The following MAGI2 variants were observed in gnomAD, a reference collection of about 807,000 sequenced individuals.
MAGI2 encodes membrane-associated guanylate kinase, WW and PDZ domain-containing protein 2.
Under a neutral mutation model 133.3 loss-of-function variants are expected in MAGI2, and 35 were observed. The ratio of observed to expected loss-of-function variants is 0.26; its 90% confidence interval spans 0.20 to 0.35. The LOEUF is 0.35. Among genes scored for constraint, MAGI2 ranks in the 10% least tolerant of loss-of-function variants. The probability of loss-of-function intolerance (pLI) is 1.00; values close to 1 mark genes in which losing one functional copy is unlikely to be tolerated. For synonymous variants in MAGI2, 729 were observed against 710.6 expected (o/e 1.03, Z -0.41); for missense variants, 1,636 against 1,863.4 (o/e 0.88, Z 2.25).
intron 20 of MAGI2, among the ~76,000 whole-genome samples, chr7:78,102,624 TCA>T (rs1818303681): frequency 6.6e-6 from 1 of 152,190 alleles, no homozygotes; most frequent in African/African-American, 2.4e-5. Context: ...CCGGTAGGAC[TCA>T]CACAATTTTG....
chr7:78,756,376 A>T (rs1823948494), intron 2 of MAGI2, among the ~76,000 whole-genome samples: 1 of 152,176 alleles, frequency 6.6e-6, no homozygotes, highest in Non-Finnish European at 1.5e-5. Flanking sequence ...TAATAACAAC[A>T]CACTGTAAAT....
At chr7:78,522,619 A>C (rs1796602769) in intron 3 of MAGI2, among the ~76,000 whole-genome samples, 1 of 152,100 alleles carries the variant, frequency 6.6e-6, no homozygotes, top group Non-Finnish European at 1.5e-5. Context: ...ACCTCAAATG[A>C]TCCGCCTGCC....
intron 9 of MAGI2, among the ~76,000 whole-genome samples, chr7:78,266,510 T>C (rs934102794): frequency 6.6e-6 from 1 of 151,638 alleles, no homozygotes; most frequent in Admixed American, 6.6e-5. Context: ...GCCAGAGCAG[T>C]GTTTTTAGCC....
chr7:79,006,878 T>G, intron 2 of MAGI2: 1 of 421,012 alleles, frequency 2.4e-6, no homozygotes. Flanking sequence ...AGCTTGAAAA[T>G]CACAAGTTTC....
intron 1 of MAGI2, among the ~76,000 whole-genome samples, chr7:79,299,687 G>A (rs529510975): frequency 7.9e-5 from 12 of 151,244 alleles, no homozygotes; most frequent in South Asian, 6.3e-4. Flanking sequence ...CACAAAAAAC[G>A]ATAATTGATC....
chr7:78,271,699 A>G (rs1794598324), intron 9 of MAGI2, among the ~76,000 whole-genome samples: 1 of 152,222 alleles, frequency 6.6e-6, no homozygotes, highest in South Asian at 2.1e-4. Flanking sequence ...GTATGTGTCC[A>G]GGAATTTATC....
At chr7:78,465,957 C>T (rs1313545372) in intron 6 of MAGI2, among the ~76,000 whole-genome samples, 2 of 152,130 alleles carry the variant, frequency 1.3e-5, no homozygotes, top group Admixed American at 6.5e-5. Context: ...ATGTTCAGCA[C>T]CAATCATTTA....
rs113658602 is a variant in MAGI2, at chr7:78,358,616, A to G, written c.1103+10540T>C. 2.6e-3 allele frequency: 444 copies of G among 172,930 alleles called. 3 individuals carry two copies. Among genetic ancestry groups the G allele is most frequent in the African/African-American group, 9.6e-3 (401 of 41,654 alleles). The allele number at this position is 172,930 out of a possible 1,614,324, so 10.7% of individuals were successfully genotyped here. ...TTATGGGATCTCACTGCCCTATGAC[A>G]AGGTGGTTCCTGCTGCCCTTTAGGT... On this transcript the variant is annotated intron_variant, in intron 7 of 21. Transcript: ENST00000354212.
chr7:78,908,087 A>G (rs1392500946), intron 2 of MAGI2, among the ~76,000 whole-genome samples: 3 of 152,158 alleles, frequency 2.0e-5, no homozygotes, highest in Non-Finnish European at 4.4e-5. Context: ...GAAATGTGGT[A>G]TATTTGAGAG....
At chr7:79,033,153 A>G (rs1183363443) in intron 1 of MAGI2, among the ~76,000 whole-genome samples, 1 of 152,110 alleles carries the variant, frequency 6.6e-6, no homozygotes, top group Admixed American at 6.6e-5. Flanking sequence ...TTGTTTCTGT[A>G]CTAGTGAAAC....
rs11472636 is a variant in MAGI2, at chr7:79,339,469, T to TG, written c.301+113550_301+113551insC. Reference sequence around the variant, plus strand: ...GTTTGTTTGTTTTTGTTTTTGTTTTTTTTTTTTTTGAGGAATCACTAAAAT... The same window carrying TG: ...GTTTGTTTGTTTTTGTTTTTGTTTTTGTTTTTTTTTGAGGAATCACTAAAAT... On this transcript the variant is annotated intron_variant, in intron 1 of 21. Coordinates refer to ENST00000354212, the MANE Select transcript of MAGI2 (RefSeq NM_012301.4). Among the ~76,000 whole-genome samples the TG allele has an allele frequency of 4.4e-3, 660 of 150,502 alleles. 10 individuals are homozygous for TG. Among genetic ancestry groups the TG allele is most frequent in the Admixed American group, 5.6e-3 (85 of 15,050 alleles).
intron 10 of MAGI2, chr7:78,252,009 T>C (rs577573315): frequency 6.6e-6 from 1 of 152,170 alleles, no homozygotes; most frequent in Non-Finnish European, 1.5e-5. Context: ...TACAGTGGCA[T>C]GTGCCTGTAG....
At chr7:79,277,161 T>C (rs1449743058) in intron 1 of MAGI2, among the ~76,000 whole-genome samples, 1 of 152,054 alleles carries the variant, frequency 6.6e-6, no homozygotes, top group Non-Finnish European at 1.5e-5. Context: ...GCTTGTCTTA[T>C]TTAAGAAATT....
intron 7 of MAGI2, among the ~76,000 whole-genome samples, chr7:78,347,836 T>C (rs938908511): frequency 1.3e-5 from 2 of 152,224 alleles, no homozygotes; most frequent in East Asian, 3.8e-4. Flanking sequence ...AACGTTATTG[T>C]AATGCTCTTG....
Position 78,475,418 on chromosome 7 carries a change from T to C in MAGI2, c.1045+14343A>G, listed in dbSNP as rs561459357. 5.3e-5 allele frequency among the ~76,000 whole-genome samples: 8 copies of C among 152,104 alleles called. No individual in the cohort carries two copies. In the South Asian group the frequency reaches 1.2e-3, roughly 24 times the overall value. On this transcript the variant is annotated intron_variant, in intron 6 of 21. Transcript: ENST00000354212. ...GAAAAGGCAGTTTTAAGAGAACATA[T>C]TTTATTAAGTATAAGAAATATTTTC...
chr7:78,419,320 C>T (rs1798580644), intron 6 of MAGI2, among the ~76,000 whole-genome samples: 1 of 152,068 alleles, frequency 6.6e-6, no homozygotes, highest in African/African-American at 2.4e-5. Context: ...ATACTAAGGG[C>T]AAGCCTGCGT....
intron 2 of MAGI2, among the ~76,000 whole-genome samples, chr7:78,994,751 A>C (rs1364235652): frequency 1.3e-5 from 2 of 152,132 alleles, no homozygotes; most frequent in Admixed American, 6.6e-5. Context: ...AATGGGAACC[A>C]CAACACATTT....
intron 1 of MAGI2, among the ~76,000 whole-genome samples, chr7:79,235,687 A>T (rs942041888): frequency 1.3e-5 from 2 of 152,090 alleles, no homozygotes; most frequent in East Asian, 3.9e-4. Context: ...ACCTGCGCCC[A>T]CTGTCTGGCA....
intron 2 of MAGI2, among the ~76,000 whole-genome samples, chr7:78,990,010 A>G (rs1350810387): frequency 6.6e-6 from 1 of 152,098 alleles, no homozygotes; most frequent in African/African-American, 2.4e-5. Flanking sequence ...GTGAACTTAG[A>G]TTAATCTTCC....
Sources: allele counts gnomAD v4.1 joint callset (sites outside exome capture counted in the v4.1 genomes callset), GRCh38; gene constraint gnomAD v4.1.1; transcripts MANE v1.5; gene names NCBI Gene and HGNC (gene_info 2026-07-23, HGNC 2026-07-21).